Variants in ASAP1 observed in about 807,000 individuals in gnomAD.
ASAP1 encodes the protein ArfGAP with SH3 domain, ankyrin repeat and PH domain 1, also known as arf-GAP with SH3 domain, ANK repeat and PH domain-containing protein 1.
Under a neutral mutation model 145.2 loss-of-function variants are expected in ASAP1, and 43 were observed. That is an observed-to-expected ratio of 0.30 (90% CI 0.23 to 0.38). The LOEUF is 0.38. Among genes scored for constraint, ASAP1 ranks in the 10% least tolerant of loss-of-function variants. The pLI, the probability that ASAP1 is intolerant of heterozygous loss-of-function variation, is 1.00. For synonymous variants in ASAP1, 546 were observed against 515.5 expected, an observed-to-expected ratio of 1.06 and a Z score of -0.80; for missense variants, 1,018 against 1,355.3, an observed-to-expected ratio of 0.75 and a Z score of 3.91.
intron 3 of ASAP1, among the ~76,000 whole-genome samples, chr8:130,277,113 A>T (rs1024936722): frequency 6.6e-6 from 1 of 151,830 alleles, no homozygotes; most frequent in Admixed American, 6.6e-5. Flanking sequence ...CCCATCCCAG[A>T]CTCTCCAGAT....
chr8:130,187,558 G>A (rs1814823310), intron 6 of ASAP1, among the ~76,000 whole-genome samples: 1 of 151,850 alleles, frequency 6.6e-6, no homozygotes, highest in Admixed American at 6.6e-5. Context: ...TAGAACTACA[G>A]GCACTCACCA....
In ASAP1 at chr8:130,192,129, A is replaced by T. The variant is rs1815181431; in HGVS notation, c.406-3946T>A. Among the ~76,000 whole-genome samples the T allele has an allele frequency of 2.0e-5, 3 of 152,144 alleles. No homozygotes were observed. In the South Asian group the frequency reaches 6.2e-4, roughly 32 times the overall value. ...GTGATTTTGCCAACAATCACACACC[A>T]ACAGACTGGCTGGCATACCAGAGAG... On this transcript the variant is annotated intron_variant, in intron 5 of 29. Coordinates refer to ENST00000518721, the MANE Select transcript of ASAP1 (RefSeq NM_018482.4).
chr8:130,229,716 A>C (rs1817794547), intron 4 of ASAP1, among the ~76,000 whole-genome samples: 1 of 152,212 alleles, frequency 6.6e-6, no homozygotes, highest in Non-Finnish European at 1.5e-5. Context: ...TTAACAGAGC[A>C]AATTTGTTGT....
Position 130,374,034 on chromosome 8 carries a change from T to A in ASAP1, c.60-15891A>T, listed in dbSNP as rs1420792844. On this transcript the variant is annotated intron_variant, in intron 2 of 29. Transcript: ENST00000518721. Reference sequence around the variant, plus strand: ...GCCTTGGAGAAAGTGTAACTCCCTTTAAAAAAAAAAAAAAAAAAAAAAGCA... The same window carrying A: ...GCCTTGGAGAAAGTGTAACTCCCTTAAAAAAAAAAAAAAAAAAAAAAAGCA... Among the ~76,000 whole-genome samples the A allele has an allele frequency of 9.0e-4, 85 of 94,384 alleles. 1 individual carries two copies. In the East Asian group the frequency reaches 0.019, roughly 21 times the overall value. 61.9% of individuals were successfully genotyped at this position (94,384 alleles called of 152,430 possible). A position where few individuals can be genotyped will look rare whatever the true frequency, so the allele number is the denominator to read the frequency against.
chr8:130,072,788 T>C (rs7012283), intron 27 of ASAP1, among the ~76,000 whole-genome samples: 112,978 of 129,132 alleles, frequency 0.87, 49,693 homozygotes, highest in East Asian at 0.96. Context: ...GGACTTGCAA[T>C]TGATATGTGT....
chr8:130,291,500 G>C (rs1186857103), intron 3 of ASAP1, among the ~76,000 whole-genome samples: 5 of 152,120 alleles, frequency 3.3e-5, no homozygotes, highest in Non-Finnish European at 7.4e-5. Context: ...GTGTGTGATG[G>C]AGACACTGAC....
chr8:130,348,326 G>T (rs1007987656), intron 3 of ASAP1, among the ~76,000 whole-genome samples: 1 of 152,152 alleles, frequency 6.6e-6, no homozygotes, highest in African/African-American at 2.4e-5. Context: ...AAATGCAGTC[G>T]TCTTTTGGGC....
intron 3 of ASAP1, among the ~76,000 whole-genome samples, chr8:130,259,555 C>T (rs1377646438): frequency 6.6e-6 from 1 of 152,252 alleles, no homozygotes. Context: ...CCTTTGTGGG[C>T]TGGTTATGAC....
At chr8:130,210,646 C>T (rs1018668095) in intron 5 of ASAP1, among the ~76,000 whole-genome samples, 1 of 152,166 alleles carries the variant, frequency 6.6e-6, no homozygotes, top group African/African-American at 2.4e-5. Context: ...GTCAGGTGGG[C>T]CTTTACCATC....
chr8:130,398,231 C>T (rs1262891482), intron 2 of ASAP1, among the ~76,000 whole-genome samples: 3 of 152,210 alleles, frequency 2.0e-5, no homozygotes, highest in African/African-American at 7.2e-5. Flanking sequence ...GGAAACAGCA[C>T]ATTAGCACAA....
At chr8:130,158,751 T>C (rs2097663068) in intron 12 of ASAP1, among the ~76,000 whole-genome samples, 1 of 151,926 alleles carries the variant, frequency 6.6e-6, no homozygotes, top group East Asian at 1.9e-4. Flanking sequence ...ATGATTTTTT[T>C]TTTTTTGTCT....
At chr8:130,162,090 T>C (rs540270555) in intron 11 of ASAP1, among the ~76,000 whole-genome samples, 2 of 152,288 alleles carry the variant, frequency 1.3e-5, no homozygotes, top group African/African-American at 4.8e-5. Context: ...GTGAGCACCA[T>C]GCTCGACCTA....
intron 11 of ASAP1, among the ~76,000 whole-genome samples, chr8:130,165,698 C>T (rs1565039778): frequency 6.6e-6 from 1 of 152,204 alleles, no homozygotes; most frequent in East Asian, 1.9e-4. Flanking sequence ...CACAGGTTAG[C>T]AGATGCCTAG....
intron 24 of ASAP1, among the ~76,000 whole-genome samples, chr8:130,095,423 C>T (rs1185075942): frequency 6.6e-6 from 1 of 151,534 alleles, no homozygotes; most frequent in South Asian, 2.1e-4. Flanking sequence ...GCCTCAGCCT[C>T]CCAAGTAGCT....
At chr8:130,367,978 TTTC>T (rs1404667476) in intron 2 of ASAP1, among the ~76,000 whole-genome samples, 1 of 152,196 alleles carries the variant, frequency 6.6e-6, no homozygotes, top group African/African-American at 2.4e-5. Context: ...ACTGCAGAGT[TTTC>T]TTCTTAACAT....
chr8:130,437,104 CAAAAAAAAA>C (rs56207589), intron 1 of ASAP1, among the ~76,000 whole-genome samples: 1 of 89,394 alleles, frequency 1.1e-5, no homozygotes, highest in Admixed American at 1.2e-4. Flanking sequence ...GATTTCATCT[CAAAAAAAAA>C]AAAAAAAAAA....
At chr8:130,327,637 A>C (rs762258236) in intron 3 of ASAP1, among the ~76,000 whole-genome samples, 1 of 152,250 alleles carries the variant, frequency 6.6e-6, no homozygotes, top group Non-Finnish European at 1.5e-5. Context: ...AATAGCTGCT[A>C]AAGTAAGGTA....
At chr8:130,359,618 G>GTT (rs35447783) in intron 2 of ASAP1, among the ~76,000 whole-genome samples, 15,333 of 134,012 alleles carry the variant, frequency 0.11, 1,054 homozygotes, top group Non-Finnish European at 0.16. Context: ...ATCTTGCACT[G>GTT]TTTTTTTTTT....
At chr8:130,410,671 C>A (rs577181961) in intron 1 of ASAP1, among the ~76,000 whole-genome samples, 2 of 152,338 alleles carry the variant, frequency 1.3e-5, no homozygotes, top group South Asian at 4.1e-4. Flanking sequence ...TCACTCTCAG[C>A]GAGTATGCTG....
Sources: gnomAD v4.1 joint callset for allele counts (sites outside exome capture counted in the v4.1 genomes callset) on GRCh38, gnomAD v4.1.1 for gene constraint, MANE v1.5 for transcripts, NCBI Gene and HGNC (gene_info 2026-07-23, HGNC 2026-07-21) for gene names.